Variants in NR3C2 observed in about 807,000 individuals in gnomAD.
The protein encoded by NR3C2 is mineralocorticoid receptor.
A neutral mutation model predicts 86.4 loss-of-function variants in NR3C2; 15 were observed. That is an observed-to-expected ratio of 0.17 (90% CI 0.12 to 0.27). NR3C2 has a LOEUF of 0.27. Among genes scored for constraint, NR3C2 ranks in the 10% least tolerant of loss-of-function variants. The pLI is 1.00. For synonymous variants in NR3C2, 458 were observed against 450.5 expected (o/e 1.02, Z -0.21); for missense variants, 960 against 1,195.6 (o/e 0.80, Z 2.91).
intron 2 of NR3C2, among the ~76,000 whole-genome samples, chr4:148,289,386 A>G (rs1414286988): frequency 1.3e-5 from 2 of 151,890 alleles, no homozygotes; most frequent in African/African-American, 4.8e-5. Flanking sequence ...GATGTTTTTC[A>G]TCAAAGAACA....
At chr4:148,179,377 A>G (rs543928438) in intron 4 of NR3C2, among the ~76,000 whole-genome samples, 22 of 151,900 alleles carry the variant, frequency 1.4e-4, no homozygotes, top group Admixed American at 3.3e-4. Context: ...ATGACAATCT[A>G]CCAGGACAGA....
At chr4:148,144,539 T>C (rs1417454895) in intron 6 of NR3C2, among the ~76,000 whole-genome samples, 16 of 152,058 alleles carry the variant, frequency 1.1e-4, no homozygotes, top group Non-Finnish European at 2.4e-4. Flanking sequence ...CTATGATAGA[T>C]TGACAAAAAG....
At position 148,358,364 on chromosome 4, in the gene NR3C2, C is replaced by T. The variant is rs556039054; in HGVS notation, c.1757+76740G>A. Among the ~76,000 whole-genome samples, 9 of 151,188 alleles carry T rather than the reference C, an allele frequency of 6.0e-5. No individual in the cohort carries two copies. The South Asian group carries it at 1.7e-3, about 28-fold the overall frequency. On this transcript the variant is annotated intron_variant, in intron 2 of 8. Coordinates refer to ENST00000358102, the MANE Select transcript of NR3C2 (RefSeq NM_000901.5). ...GAAATCATCATTGTCAGTCAAATAT[C>T]GCAAGAACAAAAAACCAAACACCGC...
intron 2 of NR3C2, among the ~76,000 whole-genome samples, chr4:148,395,078 G>A (rs183778231): frequency 6.6e-6 from 1 of 152,040 alleles, no homozygotes; most frequent in Non-Finnish European, 1.5e-5. Context: ...GTGTTGGGAT[G>A]GGGGAGGTGA....
At chr4:148,116,507 T>C (rs928489890) in intron 7 of NR3C2, among the ~76,000 whole-genome samples, 1 of 152,208 alleles carries the variant, frequency 6.6e-6, no homozygotes, top group African/African-American at 2.4e-5. Flanking sequence ...CTGTCTGCTT[T>C]CCTCAAGAAC....
chr4:148,114,565 G>A (rs1373714819), intron 7 of NR3C2, among the ~76,000 whole-genome samples: 1 of 152,114 alleles, frequency 6.6e-6, no homozygotes, highest in Non-Finnish European at 1.5e-5. Flanking sequence ...GAACACTGGA[G>A]GCTGAATCAC....
chr4:148,346,725 A>T (rs1343987266), intron 2 of NR3C2, among the ~76,000 whole-genome samples: 1 of 152,162 alleles, frequency 6.6e-6, no homozygotes, highest in African/African-American at 2.4e-5. Flanking sequence ...ATGTTGAAAT[A>T]ATATTTTGAT....
chr4:148,145,677 G>A (rs1733834759), intron 6 of NR3C2, among the ~76,000 whole-genome samples: 1 of 152,204 alleles, frequency 6.6e-6, no homozygotes, highest in African/African-American at 2.4e-5. Context: ...ACCTGCAGGG[G>A]GGTGCTGCTT....
At chr4:148,405,335 A>G (rs1357703584) in intron 2 of NR3C2, among the ~76,000 whole-genome samples, 3 of 152,204 alleles carry the variant, frequency 2.0e-5, no homozygotes, top group Non-Finnish European at 2.9e-5. Context: ...GCATGTGTAC[A>G]CACACATCTC....
intron 2 of NR3C2, among the ~76,000 whole-genome samples, chr4:148,412,596 T>C (rs928406931): frequency 3.3e-5 from 5 of 152,144 alleles, no homozygotes; most frequent in Non-Finnish European, 7.4e-5. Context: ...CTTCCTTTAT[T>C]AGGAACAAAA....
At chr4:148,393,679 C>T (rs953909323) in intron 2 of NR3C2, among the ~76,000 whole-genome samples, 1 of 152,202 alleles carries the variant, frequency 6.6e-6, no homozygotes, top group African/African-American at 2.4e-5. Context: ...AATCAGGACT[C>T]AGCTTAAGGT....
At chr4:148,244,644 T>C (rs1010076603) in intron 3 of NR3C2, among the ~76,000 whole-genome samples, 6 of 152,220 alleles carry the variant, frequency 3.9e-5, no homozygotes, top group Admixed American at 2.6e-4. Context: ...CTACAGGCTG[T>C]CAACAAATCT....
At chr4:148,317,568 T>C (rs1300085133) in intron 2 of NR3C2, among the ~76,000 whole-genome samples, 2 of 152,014 alleles carry the variant, frequency 1.3e-5, no homozygotes, top group African/African-American at 2.4e-5. Flanking sequence ...GTTATGGTTA[T>C]AAAGAAGATA....
At chr4:148,132,754 C>T (rs1733094813) in intron 6 of NR3C2, among the ~76,000 whole-genome samples, 1 of 152,130 alleles carries the variant, frequency 6.6e-6, no homozygotes, top group African/African-American at 2.4e-5. Context: ...GATTTGAATC[C>T]AGGCTGTCTG....
At chr4:148,393,578 G>C (rs753214071) in intron 2 of NR3C2, among the ~76,000 whole-genome samples, 8 of 152,156 alleles carry the variant, frequency 5.3e-5, no homozygotes, top group Non-Finnish European at 1.2e-4. Flanking sequence ...CCCACCTAAA[G>C]GTGGCAGCCT....
chr4:148,189,379 G>A (rs1007130660), intron 4 of NR3C2, among the ~76,000 whole-genome samples: 3 of 152,126 alleles, frequency 2.0e-5, no homozygotes, highest in African/African-American at 7.2e-5. Flanking sequence ...CTGCATGCCT[G>A]GTATGAAACC....
At chr4:148,221,085 T>C (rs1364696323) in intron 3 of NR3C2, among the ~76,000 whole-genome samples, 1 of 152,148 alleles carries the variant, frequency 6.6e-6, no homozygotes, top group East Asian at 1.9e-4. Context: ...TCTGTTAAAC[T>C]CTGTACATTA....
chr4:148,315,710 T>C (rs1270616403), intron 2 of NR3C2, among the ~76,000 whole-genome samples: 1 of 152,178 alleles, frequency 6.6e-6, no homozygotes, highest in East Asian at 1.9e-4. Flanking sequence ...TTTGAAAAAT[T>C]AGAATAAACT....
chr4:148,094,803 A>G (rs1731210850), intron 8 of NR3C2, among the ~76,000 whole-genome samples: 1 of 152,216 alleles, frequency 6.6e-6, no homozygotes, highest in Non-Finnish European at 1.5e-5. Context: ...AGGTGAAAAC[A>G]GCTCAAAAGG....
Sources: allele counts gnomAD v4.1 joint callset (sites outside exome capture counted in the v4.1 genomes callset), GRCh38; gene constraint gnomAD v4.1.1; transcripts MANE v1.5; gene names NCBI Gene and HGNC (gene_info 2026-07-23, HGNC 2026-07-21).